The following B3GALT1 variants were observed in gnomAD, a reference collection of about 807,000 sequenced individuals.
The protein encoded by B3GALT1 is UDP-Gal:betaGlcNAc beta 1,3-galactosyltransferase, polypeptide 1.
A neutral mutation model predicts 23.2 loss-of-function variants in B3GALT1; 10 were observed. The ratio of observed to expected loss-of-function variants is 0.43; its 90% CI spans 0.27 to 0.73. B3GALT1 has a LOEUF of 0.73. Among genes scored for constraint, B3GALT1 ranks in the 30% least tolerant of loss-of-function variants. B3GALT1 has a pLI of 0.21. For synonymous variants in B3GALT1, 156 were observed against 141.5 expected, an observed-to-expected ratio of 1.10 and a Z score of -0.73; for missense variants, 299 against 405.4, an observed-to-expected ratio of 0.74 and a Z score of 2.25.
intron 1 of B3GALT1, among the ~76,000 whole-genome samples, chr2:167,444,318 C>T (rs190032710): frequency 2.4e-4 from 36 of 152,214 alleles, no homozygotes; most frequent in Non-Finnish European, 3.1e-4. Context: ...GGATATTGGC[C>T]TAAAATTCTC....
chr2:167,873,540 T>A lies in B3GALT1; in HGVS notation c.*3520T>A, dbSNP rs969147114. On this transcript the variant is annotated 3_prime_UTR_variant, in exon 5 of 5. Transcript: ENST00000392690. ...AGCATCTGGGATTCATTTTTTACCT[T>A]TCCTAATATGTGGGTTTAGTGGGAG... The A allele has an allele frequency of 2.0e-5, 3 of 152,222 alleles. No individual in the cohort carries two copies. Among genetic ancestry groups the A allele is most frequent in the Non-Finnish European group, 4.4e-5 (3 of 68,046 alleles). The allele number at this position is 152,222 out of a possible 1,614,324, so 9.4% of individuals were successfully genotyped here.
rs1690262258 is a variant in B3GALT1, at chr2:167,867,721, T to C, written c.-229-1090T>C. The stretch of plus-strand genomic sequence containing the variant: ...TTTGTTAAAATTGATACCTATTCTC[T>C]ACTATCTCTGCCTTCCAGGACTACC... On this transcript the variant is annotated intron_variant, in intron 4 of 4. Transcript: ENST00000392690. Among the ~76,000 whole-genome samples the C allele has an allele frequency of 2.0e-5, 3 of 152,240 alleles. No individual in the cohort carries two copies. In the East Asian group the frequency reaches 5.8e-4, roughly 29 times the overall value.
intron 4 of B3GALT1, among the ~76,000 whole-genome samples, chr2:167,857,476 AC>A (rs1690020179): frequency 6.6e-6 from 1 of 152,086 alleles, no homozygotes; most frequent in African/African-American, 2.4e-5. Context: ...AGAATCATGA[AC>A]CAAAAGGAAA....
intron 3 of B3GALT1, among the ~76,000 whole-genome samples, chr2:167,724,595 A>T (rs565062920): frequency 6.6e-6 from 1 of 152,336 alleles, no homozygotes; most frequent in East Asian, 1.9e-4. Context: ...CCATGTTATA[A>T]TTTAAAGCTG....
chr2:167,573,908 A>T (rs1361891147), intron 2 of B3GALT1, among the ~76,000 whole-genome samples: 2 of 151,718 alleles, frequency 1.3e-5, no homozygotes, highest in Non-Finnish European at 3.0e-5. Context: ...AATTCTATGT[A>T]CAAGTTTCTT....
At chr2:167,557,883 A>G (rs1047763360) in intron 2 of B3GALT1, among the ~76,000 whole-genome samples, 4 of 152,240 alleles carry the variant, frequency 2.6e-5, no homozygotes, top group Non-Finnish European at 5.9e-5. Flanking sequence ...TAGTAGTTTT[A>G]TATTCAGTCT....
At chr2:167,639,210 G>T (rs537276464) in intron 2 of B3GALT1, among the ~76,000 whole-genome samples, 6 of 151,924 alleles carry the variant, frequency 3.9e-5, no homozygotes, top group African/African-American at 1.5e-4. Flanking sequence ...AGCATGGGTC[G>T]TTAAGACATA....
intron 3 of B3GALT1, among the ~76,000 whole-genome samples, chr2:167,648,361 A>G (rs1380756123): frequency 6.6e-6 from 1 of 152,062 alleles, no homozygotes; most frequent in African/African-American, 2.4e-5. Context: ...TCTGTACAAC[A>G]TAAACTATTA....
chr2:167,844,247 C>T (rs929239880), intron 4 of B3GALT1, among the ~76,000 whole-genome samples: 5 of 152,138 alleles, frequency 3.3e-5, no homozygotes, highest in African/African-American at 1.2e-4. Context: ...TCATGGTGGA[C>T]GGGAGGCAGG....
At position 167,339,580 on chromosome 2, in the gene B3GALT1, T is replaced by G. The variant is rs545034551; in HGVS notation, c.-511+46246T>G. On this transcript the variant is annotated intron_variant, in intron 1 of 4. Coordinates refer to ENST00000392690, the MANE Select transcript of B3GALT1 (RefSeq NM_020981.4). ...GGGGAACTGGTTGATTTATAAACAT[T>G]TACTTTTTAAGGTGGGTGGATGATA... is the stretch of plus-strand genomic sequence containing the variant. Among the ~76,000 whole-genome samples the G allele has an allele frequency of 1.4e-4, 21 of 152,242 alleles. No individual in the cohort carries two copies. In the East Asian group the frequency reaches 3.9e-3, roughly 28 times the overall value.
chr2:167,580,075 AATG>A (rs1419239987), intron 2 of B3GALT1, among the ~76,000 whole-genome samples: 20 of 152,254 alleles, frequency 1.3e-4, no homozygotes, highest in Non-Finnish European at 2.9e-4. Context: ...TGGATAAAAT[AATG>A]ATATTTCAGT....
intron 2 of B3GALT1, among the ~76,000 whole-genome samples, chr2:167,497,881 T>A (rs1344916856): frequency 1.3e-5 from 2 of 151,476 alleles, no homozygotes; most frequent in Admixed American, 1.3e-4. Context: ...CAGTGAAAAA[T>A]CTGTACTTTT....
chr2:167,747,218 G>A (rs1164675790), intron 3 of B3GALT1, among the ~76,000 whole-genome samples: 1 of 152,168 alleles, frequency 6.6e-6, no homozygotes, highest in African/African-American at 2.4e-5. Flanking sequence ...AGAGCAGGCA[G>A]CCAAGATGTT....
intron 2 of B3GALT1, among the ~76,000 whole-genome samples, chr2:167,547,771 A>G (rs779624762): frequency 6.6e-6 from 1 of 152,024 alleles, no homozygotes; most frequent in Non-Finnish European, 1.5e-5. Flanking sequence ...GTCTTCTGAC[A>G]TATCTTCCTT....
intron 3 of B3GALT1, among the ~76,000 whole-genome samples, chr2:167,663,787 C>G (rs1211255892): frequency 1.3e-5 from 2 of 152,038 alleles, no homozygotes; most frequent in South Asian, 4.1e-4. Context: ...TCATGTCCTT[C>G]GCCCACTTTT....
At chr2:167,642,662 G>T (rs1206792894) in intron 2 of B3GALT1, among the ~76,000 whole-genome samples, 1 of 152,088 alleles carries the variant, frequency 6.6e-6, no homozygotes, top group Non-Finnish European at 1.5e-5. Flanking sequence ...TACTCACTCA[G>T]GAGAGGAGCA....
At chr2:167,398,765 C>T (rs1250454622) in intron 1 of B3GALT1, among the ~76,000 whole-genome samples, 1 of 152,102 alleles carries the variant, frequency 6.6e-6, no homozygotes, top group Non-Finnish European at 1.5e-5. Context: ...TTAAGCATGT[C>T]TTAGGTGCCC....
At chr2:167,509,376 TAAA>T in intron 2 of B3GALT1, among the ~76,000 whole-genome samples, 1 of 152,052 alleles carries the variant, frequency 6.6e-6, no homozygotes, top group Non-Finnish European at 1.5e-5. Flanking sequence ...AAACAACAAA[TAAA>T]AATTTTCTGG....
chr2:167,498,793 C>A (rs183573912), intron 2 of B3GALT1, among the ~76,000 whole-genome samples: 2 of 152,180 alleles, frequency 1.3e-5, no homozygotes, highest in East Asian at 3.9e-4. Flanking sequence ...CTTTCTTCTC[C>A]TTGCAGATCC....
Sources: allele counts gnomAD v4.1 joint callset (sites outside exome capture counted in the v4.1 genomes callset), GRCh38; gene constraint gnomAD v4.1.1; transcripts MANE v1.5; gene names NCBI Gene and HGNC (gene_info 2026-07-23, HGNC 2026-07-21).